The following ZNF678 variants were observed in gnomAD, a reference collection of about 807,000 sequenced individuals.
ZNF678 encodes zinc finger protein 678.
Under a neutral mutation model 3.0 loss-of-function variants are expected in ZNF678, and 5 were observed. That is an observed-to-expected ratio of 1.69 (90% confidence interval 0.88 to 3.56). The LOEUF is 3.56. Ranked by LOEUF, ZNF678 falls within the 30% of genes most tolerant of loss-of-function variation. ZNF678 has a pLI of 0.00. For missense variants in ZNF678, 593 were observed against 605.0 expected, an observed-to-expected ratio of 0.98 and a Z score of 0.21; for synonymous variants, 218 against 199.6, an observed-to-expected ratio of 1.09 and a Z score of -0.78.
At position 227,654,468 on chromosome 1, in the gene ZNF678, T is replaced by C. The variant is rs1371013995; in HGVS notation, c.218T>C (p.Val73Ala). Residue 73 changes from valine to alanine, a missense_variant, in exon 4 of 4, where the codon GTG becomes GCG. Transcript: ENST00000343776. ...NLHLVKDWRT[V>A]NEGKGQKEYC... ...CACTTAGTGAAAGACTGGAGAACTG[T>C]GAATGAAGGTAAGGGGCAGAAAGAA... 1 of 1,613,104 alleles carries C rather than the reference T, an allele frequency of 6.2e-7. No individual in the cohort carries two copies. Among genetic ancestry groups the C allele is most frequent in the African/African-American group, 1.3e-5 (1 of 74,858 alleles).
Position 227,641,246 on chromosome 1 carries a change from G to T in ZNF678, c.-163-5298G>T, listed in dbSNP as rs143823892. ...CACCAGATGTAAGGTTCTTGTATTG[G>T]TTCAAACCCCAAGAGAGTGCCAACA... On this transcript the variant is annotated intron_variant, in intron 1 of 3. Transcript: ENST00000343776. Among the ~76,000 whole-genome samples the T allele has an allele frequency of 6.2e-4, 95 of 152,292 alleles. 2 individuals are homozygous for T. The highest frequency in any genetic ancestry group is 2.0e-3 in the African/African-American group (82 of 41,560).
intron 1 of ZNF678, among the ~76,000 whole-genome samples, chr1:227,577,462 T>A (rs1022278156): frequency 6.6e-6 from 1 of 152,374 alleles, no homozygotes; most frequent in Non-Finnish European, 1.5e-5. Flanking sequence ...GATATTCTTA[T>A]TGAATTGAAT....
At chr1:227,636,957 C>T (rs552736051) in intron 1 of ZNF678, among the ~76,000 whole-genome samples, 1 of 152,176 alleles carries the variant, frequency 6.6e-6, no homozygotes, top group Non-Finnish European at 1.5e-5. Context: ...TGTTTTCTGG[C>T]TGCTAGAGTC....
At chr1:227,650,678 GTAAAGATTTTTCACTTGTT>G (rs1180420667) in intron 2 of ZNF678, among the ~76,000 whole-genome samples, 3 of 151,998 alleles carry the variant, frequency 2.0e-5, no homozygotes, top group Admixed American at 1.3e-4. Context: ...ATTTCCCAAT[GTAAAGATTTTTCACTTGTT>G]TAAGTTTTTG....
At chr1:227,630,240 T>C (rs977731142) in intron 1 of ZNF678, among the ~76,000 whole-genome samples, 11 of 152,236 alleles carry the variant, frequency 7.2e-5, no homozygotes, top group Admixed American at 6.5e-4. Context: ...GTGGACATCA[T>C]TGAATAATTC....
At chr1:227,577,110 G>A (rs183973173) in intron 1 of ZNF678, among the ~76,000 whole-genome samples, 5 of 152,242 alleles carry the variant, frequency 3.3e-5, no homozygotes, top group African/African-American at 1.2e-4. Flanking sequence ...CTGAGAGATT[G>A]TTATGATTTC....
At chr1:227,573,147 C>T (rs1209762572) in intron 1 of ZNF678, among the ~76,000 whole-genome samples, 1 of 152,244 alleles carries the variant, frequency 6.6e-6, no homozygotes, top group Non-Finnish European at 1.5e-5. Flanking sequence ...GTCCAACTCA[C>T]ACACATGGTT....
intron 1 of ZNF678, among the ~76,000 whole-genome samples, chr1:227,592,798 T>G (rs562370133): frequency 3.2e-4 from 49 of 152,318 alleles, no homozygotes; most frequent in African/African-American, 1.0e-3. Flanking sequence ...CTCTGGTTGA[T>G]GAAATGCCAG....
chr1:227,582,543 G>A, intron 1 of ZNF678: 2 of 197,268 alleles, frequency 1.0e-5, no homozygotes, highest in Non-Finnish European at 2.0e-5. Context: ...TGCCCAGGCT[G>A]GTCTTGAACT....
rs147685248 is a variant in ZNF678, at chr1:227,652,341, G to A, written c.85+1265G>A. Reference sequence around the variant, plus strand: ...TGCCGCTTTGTCTATTATGCCAGTCGTCTAAAGTTAGTGTCTTGGAGACAA... The same window carrying A: ...TGCCGCTTTGTCTATTATGCCAGTCATCTAAAGTTAGTGTCTTGGAGACAA... On this transcript the variant is annotated intron_variant, in intron 3 of 3. Transcript: ENST00000343776. Among the ~76,000 whole-genome samples the A allele has an allele frequency of 5.3e-3, 805 of 152,116 alleles. 8 individuals are homozygous for A. The highest frequency in any genetic ancestry group is 0.018 in the African/African-American group (762 of 41,496).
chr1:227,665,663 C>CA, downstream of ZNF678, among the ~76,000 whole-genome samples: 1 of 152,304 alleles, frequency 6.6e-6, no homozygotes, highest in African/African-American at 2.4e-5. Context: ...TTTAAGATGT[C>CA]AAAATATGAA....
chr1:227,580,732 C>T (rs903399124), intron 1 of ZNF678, among the ~76,000 whole-genome samples: 1 of 152,002 alleles, frequency 6.6e-6, no homozygotes, highest in East Asian at 1.9e-4. Flanking sequence ...GAGTTCTAGA[C>T]CAGCCTGACC....
rs1225119315 is a variant in ZNF678, at chr1:227,669,152, T to G, written c.227-8027T>G. Among the ~76,000 whole-genome samples the G allele has an allele frequency of 4.1e-5, 6 of 145,342 alleles. No individual in the cohort carries two copies. The East Asian group carries it at 1.2e-3, about 29-fold the overall frequency. ...AACAACCTACACAATGGGAAAAAAA[T>G]ATTCACAAACTGCATCCAACAAAGG... On this transcript the variant is annotated intron_variant, in intron 5 of 5. Coordinates refer to the ZNF678 transcript ENST00000608949.
At chr1:227,617,537 C>T (rs1443991273) in intron 1 of ZNF678, among the ~76,000 whole-genome samples, 1 of 152,146 alleles carries the variant, frequency 6.6e-6, no homozygotes, top group Non-Finnish European at 1.5e-5. Context: ...CACTACAACC[C>T]CTTTCTGGGA....
chr1:227,672,089 G>T (rs1279165606), intron 5 of ZNF678, among the ~76,000 whole-genome samples: 1 of 152,146 alleles, frequency 6.6e-6, no homozygotes, highest in Non-Finnish European at 1.5e-5. Context: ...GAGTGGTTTT[G>T]TTTGCCTGAC....
chr1:227,619,010 G>C (rs189589941), intron 1 of ZNF678, among the ~76,000 whole-genome samples: 1 of 152,086 alleles, frequency 6.6e-6, no homozygotes, highest in Non-Finnish European at 1.5e-5. Flanking sequence ...AGTGAGGGGG[G>C]ACCTGCCAAA....
intron 3 of ZNF678, among the ~76,000 whole-genome samples, chr1:227,653,675 T>C (rs1350635708): frequency 6.6e-6 from 1 of 152,132 alleles, no homozygotes; most frequent in East Asian, 1.9e-4. Context: ...CCTCTTCTTA[T>C]GATCTGTCTT....
intron 1 of ZNF678, among the ~76,000 whole-genome samples, chr1:227,600,031 C>T (rs753313754): frequency 6.6e-6 from 1 of 152,116 alleles, no homozygotes; most frequent in African/African-American, 2.4e-5. Context: ...CGTGTGTTCT[C>T]ATTTAGTTCT....
chr1:227,567,228 G>A (rs1014967486), intron 1 of ZNF678, among the ~76,000 whole-genome samples: 1 of 152,114 alleles, frequency 6.6e-6, no homozygotes, highest in African/African-American at 2.4e-5. Context: ...AGACACTTTT[G>A]CCTTTCCTTT....
Sources: allele counts gnomAD v4.1 joint callset (sites outside exome capture counted in the v4.1 genomes callset), GRCh38; gene constraint gnomAD v4.1.1; transcripts MANE v1.5; gene names NCBI Gene and HGNC (gene_info 2026-07-23, HGNC 2026-07-21).